WDR7: variants seen among roughly 807,000 people sequenced by gnomAD.
WDR7 encodes WD repeat-containing protein 7.
Under a neutral mutation model 169.4 loss-of-function variants are expected in WDR7, and 46 were observed. That is an observed-to-expected ratio of 0.27 (90% CI 0.21 to 0.35). WDR7 has a LOEUF of 0.35. Among genes scored for constraint, WDR7 ranks in the 10% least tolerant of loss-of-function variants. The pLI, the probability that WDR7 is intolerant of heterozygous loss-of-function variation, is 1.00. For missense variants in WDR7, 1,534 were observed against 1,859.3 expected (o/e 0.83, Z 3.22); for synonymous variants, 612 against 666.8 (o/e 0.92, Z 1.27).
At chr18:56,749,180 T>C (rs1178389987) in intron 14 of WDR7, among the ~76,000 whole-genome samples, 1 of 152,074 alleles carries the variant, frequency 6.6e-6, no homozygotes, top group Non-Finnish European at 1.5e-5. Context: ...AAGAGTAAAA[T>C]TATAAAATAT....
intron 21 of WDR7, among the ~76,000 whole-genome samples, chr18:56,884,627 G>A (rs2046160851): frequency 2.0e-5 from 3 of 152,054 alleles, no homozygotes; most frequent in South Asian, 2.1e-4. Context: ...CCCCCACCAC[G>A]GCTGCAGCAA....
intron 22 of WDR7, among the ~76,000 whole-genome samples, chr18:56,932,208 T>C (rs953995211): frequency 7.2e-5 from 11 of 152,152 alleles, no homozygotes; most frequent in Non-Finnish European, 1.5e-4. Flanking sequence ...AGCTGTAGAA[T>C]TATCCACATT....
intron 14 of WDR7, among the ~76,000 whole-genome samples, chr18:56,750,546 C>T (rs939774697): frequency 1.3e-5 from 2 of 152,112 alleles, no homozygotes; most frequent in African/African-American, 2.4e-5. Context: ...TCTTCTTCCA[C>T]GATAATGTAA....
chr18:56,801,297 CT>C lies in WDR7; in HGVS notation c.3191-14731del, dbSNP rs529314281. 1.1e-3 allele frequency among the ~76,000 whole-genome samples: 173 copies of C among 152,240 alleles called. 1 individual carries two copies. The highest frequency in any genetic ancestry group is 4.0e-3 in the African/African-American group (167 of 41,556). On this transcript the variant is annotated intron_variant, in intron 19 of 27. Transcript: ENST00000254442. ...TGTGTATAGTTATTTTTGTCTTTAGCTTTACATTAACCAGTTTTTTGGCCTG... is the reference window on the plus strand; with the variant it reads ...TGTGTATAGTTATTTTTGTCTTTAGCTTACATTAACCAGTTTTTTGGCCTG...
At chr18:56,832,169 C>T (rs1437608856) in intron 20 of WDR7, among the ~76,000 whole-genome samples, 1 of 152,150 alleles carries the variant, frequency 6.6e-6, no homozygotes, top group African/African-American at 2.4e-5. Context: ...GGGTGTCTGC[C>T]ATTACTGAGG....
At chr18:56,905,753 A>G (rs1599145879) in intron 21 of WDR7, among the ~76,000 whole-genome samples, 1 of 152,184 alleles carries the variant, frequency 6.6e-6, no homozygotes, top group Non-Finnish European at 1.5e-5. Flanking sequence ...TCTTTCAAAT[A>G]TTATAAGCAA....
intron 20 of WDR7, among the ~76,000 whole-genome samples, chr18:56,853,288 C>T (rs539603207): frequency 1.5e-4 from 23 of 152,034 alleles, no homozygotes; most frequent in African/African-American, 5.1e-4. Context: ...GAAAATTGTG[C>T]GATTTTGTGT....
chr18:56,964,867 A>G (rs750279568), intron 26 of WDR7, among the ~76,000 whole-genome samples: 1 of 152,150 alleles, frequency 6.6e-6, no homozygotes, highest in Non-Finnish European at 1.5e-5. Context: ...TCTAACATCA[A>G]TCATTACTTT....
intron 25 of WDR7, among the ~76,000 whole-genome samples, chr18:56,945,045 T>A (rs2047084934): frequency 6.6e-6 from 1 of 152,212 alleles, no homozygotes. Context: ...TATCCATCTG[T>A]GTATGCATGT....
At chr18:57,024,305 G>A (rs9950393) in intron 27 of WDR7, among the ~76,000 whole-genome samples, 5,103 of 152,188 alleles carry the variant, frequency 0.034, 294 homozygotes, top group African/African-American at 0.12. Flanking sequence ...TCCAGTCGCT[G>A]TTCAAGAAAA....
intron 13 of WDR7, among the ~76,000 whole-genome samples, chr18:56,725,257 T>A (rs1432531154): frequency 4.6e-5 from 7 of 150,792 alleles, no homozygotes; most frequent in African/African-American, 1.7e-4. Context: ...TGAACTAGTT[T>A]ACAGTCCCCC....
At chr18:56,925,135 A>G (rs543589471) in intron 22 of WDR7, among the ~76,000 whole-genome samples, 1 of 152,220 alleles carries the variant, frequency 6.6e-6, no homozygotes, top group Non-Finnish European at 1.5e-5. Context: ...GCTGAATAAC[A>G]TTCCATTCAT....
chr18:56,746,981 A>C (rs1330402046), intron 14 of WDR7, among the ~76,000 whole-genome samples: 2 of 152,186 alleles, frequency 1.3e-5, no homozygotes, highest in African/African-American at 4.8e-5. Flanking sequence ...GCTCTATATC[A>C]GACAAAGAGC....
At chr18:56,712,039 T>G (rs1201332597) in intron 12 of WDR7, among the ~76,000 whole-genome samples, 2 of 152,168 alleles carry the variant, frequency 1.3e-5, no homozygotes, top group Non-Finnish European at 2.9e-5. Context: ...AAAATTGTTT[T>G]GGGCACATAA....
At chr18:56,703,402 ATTAAT>A (rs2025875237) in intron 12 of WDR7, among the ~76,000 whole-genome samples, 1 of 152,160 alleles carries the variant, frequency 6.6e-6, no homozygotes, top group Non-Finnish European at 1.5e-5. Flanking sequence ...GATTTTTGTT[ATTAAT>A]TTAATTTGAA....
chr18:56,764,837 G>A lies in WDR7; in HGVS notation c.2848+5884G>A, dbSNP rs185474163. On this transcript the variant is annotated intron_variant, in intron 16 of 27. Transcript: ENST00000254442. Reference sequence around the variant, plus strand: ...CTGCTTGCCTTTATCAATTAAATAAGAGTATTGAATCTGCAGCTATAATTA... The same window carrying A: ...CTGCTTGCCTTTATCAATTAAATAAAAGTATTGAATCTGCAGCTATAATTA... Among the ~76,000 whole-genome samples the A allele has an allele frequency of 4.1e-4, 63 of 152,190 alleles. 2 individuals are homozygous for A. In the East Asian group the frequency reaches 0.012, roughly 28 times the overall value.
intron 19 of WDR7, among the ~76,000 whole-genome samples, chr18:56,804,216 C>T (rs2044727203): frequency 6.6e-6 from 1 of 152,162 alleles, no homozygotes; most frequent in Non-Finnish European, 1.5e-5. Context: ...TATTTGTTAC[C>T]TCTCTGGGAT....
chr18:57,019,337 A>G (rs1291811894), intron 26 of WDR7, among the ~76,000 whole-genome samples: 2 of 152,200 alleles, frequency 1.3e-5, no homozygotes, highest in Non-Finnish European at 2.9e-5. Flanking sequence ...AGATATTATC[A>G]TTATCATCAT....
intron 3 of WDR7, 119 bp from the exon 4 acceptor site, chr18:56,681,194 A>G: frequency 2.6e-6 from 2 of 765,892 alleles, no homozygotes; most frequent in Non-Finnish European, 4.3e-6. Context: ...TAATAACTGT[A>G]TGCTACTTTT....
Sources: gnomAD v4.1 joint callset for allele counts (sites outside exome capture counted in the v4.1 genomes callset) on GRCh38, gnomAD v4.1.1 for gene constraint, MANE v1.5 for transcripts, NCBI Gene and HGNC (gene_info 2026-07-23, HGNC 2026-07-21) for gene names.